NUP188: variants seen among roughly 807,000 people sequenced by gnomAD.
NUP188 encodes nucleoporin NUP188.
In NUP188, 97 loss-of-function variants were observed where a neutral mutation model predicts 223.0. The ratio of observed to expected loss-of-function variants is 0.43; its 90% CI spans 0.37 to 0.51. The LOEUF is 0.51. NUP188 is among the 20% of genes least tolerant of loss of function. The pLI is 0.00. For missense variants in NUP188, 1,947 were observed against 2,175.6 expected, an observed-to-expected ratio of 0.89 and a Z score of 2.09; for synonymous variants, 869 against 828.0, an observed-to-expected ratio of 1.05 and a Z score of -0.85.
intron 28 of NUP188, 115 bp from the exon 29 acceptor site, chr9:128,994,741 G>A: frequency 1.2e-6 from 1 of 859,142 alleles, no homozygotes; most frequent in Non-Finnish European, 1.9e-6. Context: ...CATTCAACAG[G>A]GGTTGTGCTA....
intron 12 of NUP188, among the ~76,000 whole-genome samples, chr9:128,976,893 A>G (rs1212103193): frequency 6.6e-6 from 1 of 152,064 alleles, no homozygotes; most frequent in Non-Finnish European, 1.5e-5. Flanking sequence ...CCTGGGCAAC[A>G]TGATGAAGCC....
chr9:128,996,040 T>C (rs1015092233), intron 30 of NUP188, among the ~76,000 whole-genome samples: 5 of 152,118 alleles, frequency 3.3e-5, no homozygotes, highest in African/African-American at 1.2e-4. Context: ...GAGAGAGAGA[T>C]AACATCTGGA....
chr9:128,948,221 A>C (rs1308810647), intron 1 of NUP188: 1 of 155,986 alleles, frequency 6.4e-6, no homozygotes, highest in South Asian at 2.1e-4. Context: ...TGTTCTTGTT[A>C]GGATTTTGTT....
Position 128,973,124 on chromosome 9 carries a change from A to G in NUP188, c.1114-36A>G, listed in dbSNP as rs761961449. ...GCCGAACCTGGGGAAGAGTTGTATT[A>G]CTCAGAATGATTCACTGACTCCTTT... On this transcript the variant is annotated intron_variant, in intron 11 of 43. Coordinates refer to ENST00000372577, the MANE Select transcript of NUP188 (RefSeq NM_015354.3). The G allele has an allele frequency of 5.9e-6, 8 of 1,365,470 alleles. No individual in the cohort carries two copies. The Admixed American group carries it at 1.4e-4, about 23-fold the overall frequency. The allele number at this position is 1,365,470 out of a possible 1,614,324, so 84.6% of individuals were successfully genotyped here.
chr9:129,005,288 C>T lies in NUP188; in HGVS notation c.4510-15C>T. 6.2e-7 allele frequency: 1 copy of T among 1,613,464 alleles called. No homozygotes were observed. ...AGCTTCCCAAGCTCCACCTTCATTTCTTGACTCTCCTTAGAACAAAAATGG... is the reference window on the plus strand; with the variant it reads ...AGCTTCCCAAGCTCCACCTTCATTTTTTGACTCTCCTTAGAACAAAAATGG... On this transcript the variant is annotated splice_polypyrimidine_tract_variant and intron_variant, in intron 39 of 43. Transcript: ENST00000372577.
chr9:128,954,691 C>T (rs918068109), intron 3 of NUP188, among the ~76,000 whole-genome samples: 1 of 151,570 alleles, frequency 6.6e-6, no homozygotes, highest in African/African-American at 2.4e-5. Context: ...GTGACAATGT[C>T]GACAATGTCT....
chr9:128,996,275 A>C (rs1370298036), intron 30 of NUP188, among the ~76,000 whole-genome samples: 1 of 151,558 alleles, frequency 6.6e-6, no homozygotes, highest in East Asian at 1.9e-4. Context: ...TCAGCCTCCC[A>C]GGTAGCTGGG....
At position 128,968,718 on chromosome 9, in the gene NUP188, G is replaced by T; in HGVS notation, c.797+1G>T. On this transcript the variant is annotated splice_donor_variant, in intron 9 of 43. Coordinates refer to ENST00000372577, the MANE Select transcript of NUP188 (RefSeq NM_015354.3). LOFTEE classifies it high-confidence loss of function. ...TGGATCCTTTTGTAGATCGGATTGGGTAAGTCAGTGAATTGAACATCATGG... is the reference window on the plus strand; with the variant it reads ...TGGATCCTTTTGTAGATCGGATTGGTTAAGTCAGTGAATTGAACATCATGG... 6.2e-7 allele frequency: 1 copy of T among 1,609,602 alleles called. No individual in the cohort carries two copies. Among genetic ancestry groups the T allele is most frequent in the Non-Finnish European group, 8.5e-7 (1 of 1,175,976 alleles).
intron 3 of NUP188, among the ~76,000 whole-genome samples, chr9:128,954,574 CA>C (rs1024243262): frequency 6.6e-5 from 10 of 151,668 alleles, no homozygotes; most frequent in African/African-American, 9.7e-5. Context: ...TTAGTAGAGA[CA>C]GGGTTTCACT....
chr9:128,993,494 G>C (rs933407717), intron 26 of NUP188, 31 bp from the exon 27 acceptor site: 2 of 1,613,262 alleles, frequency 1.2e-6, no homozygotes, highest in Non-Finnish European at 1.7e-6. Context: ...AGTGGCTGTG[G>C]AACTGAACTC....
At chr9:128,983,084 C>A (rs755232055) in intron 17 of NUP188, 56 bp downstream of exon 17, 9 of 1,602,802 alleles carry the variant, frequency 5.6e-6, no homozygotes, top group Non-Finnish European at 6.8e-6. Flanking sequence ...GCACTTGTGC[C>A]CTCAGTTTGC....
intron 11 of NUP188, 73 bp downstream of exon 11, chr9:128,971,031 A>T: frequency 8.5e-7 from 1 of 1,178,958 alleles, no homozygotes; most frequent in Non-Finnish European, 1.3e-6. Context: ...AATAGTTATA[A>T]TGGTGGTGTG....
chr9:128,998,856 C>CT (rs570377284), intron 32 of NUP188, among the ~76,000 whole-genome samples: 36,669 of 125,744 alleles, frequency 0.29, 6,364 homozygotes, highest in Non-Finnish European at 0.36. Flanking sequence ...ACCCCGTATT[C>CT]TTTTTTTTTT....
chr9:129,001,840 C>G (rs748321289), intron 35 of NUP188, 44 bp from the exon 36 acceptor site: 2 of 1,591,666 alleles, frequency 1.3e-6, no homozygotes, highest in East Asian at 4.5e-5. Context: ...CTAGGCAGGG[C>G]AGGGGCAGGC....
rs762411426 is a variant in NUP188 at position 129,001,645 on chromosome 9, A to G, written c.3960A>G (p.Leu1320=). The change falls in exon 35 of 44, where the codon CTA becomes CTG. Residue 1320 remains leucine (L), a synonymous_variant. Coordinates refer to ENST00000372577, the MANE Select transcript of NUP188 (RefSeq NM_015354.3). ...TCCTACCCACCCTCCTCACCACTCT[A>G]GAGGTGAGCCTTCGCATGAAGCAGA... The part of the protein sequence containing the change: ...LPILPTLLTT[L]EVSLRMKQNL... 9 of 1,613,934 alleles carry G rather than the reference A, an allele frequency of 5.6e-6. No homozygotes were observed. The African/African-American group carries it at 6.7e-5, about 12-fold the overall frequency.
chr9:128,949,167 C>T (rs768603469), intron 1 of NUP188, 22 bp from the exon 2 acceptor site: 4 of 1,599,442 alleles, frequency 2.5e-6, no homozygotes, highest in Admixed American at 1.7e-5. Flanking sequence ...AGCAAAATTA[C>T]CTCTGTTCTC....
In NUP188 at chr9:129,006,903, A is replaced by C. The variant is rs1274421484; in HGVS notation, c.*225A>C. 4.6e-6 allele frequency: 2 copies of C among 430,452 alleles called. No individual in the cohort carries two copies. Among genetic ancestry groups the C allele is most frequent in the African/African-American group, 4.1e-5 (2 of 48,892 alleles). The allele number at this position is 430,452 out of a possible 1,614,324, so 26.7% of individuals were successfully genotyped here. On this transcript the variant is annotated 3_prime_UTR_variant, in exon 44 of 44. Transcript: ENST00000372577. ...CCGAGTCTTCTGTGCTCAGGTCCTC[A>C]CGCTGCAGACGCCCCCTAGAGGAAC...
At chr9:128,960,412 T>C (rs1329740630) in intron 8 of NUP188, among the ~76,000 whole-genome samples, 1 of 152,142 alleles carries the variant, frequency 6.6e-6, no homozygotes, top group Non-Finnish European at 1.5e-5. Flanking sequence ...CTATCGATTA[T>C]AGCATGACCT....
At chr9:128,959,255 A>G in intron 8 of NUP188, 121 bp downstream of exon 8, 1 of 696,266 alleles carries the variant, frequency 1.4e-6, no homozygotes, top group Non-Finnish European at 2.1e-6. Context: ...TCCTGGTTTT[A>G]AGCAATTCTC....
Sources: gnomAD v4.1 joint callset for allele counts (sites outside exome capture counted in the v4.1 genomes callset) on GRCh38, gnomAD v4.1.1 for gene constraint, MANE v1.5 for transcripts, NCBI Gene and HGNC (gene_info 2026-07-23, HGNC 2026-07-21) for gene names.